ISM1: variants seen among roughly 807,000 people sequenced by gnomAD.
ISM1 encodes isthmin-1.
A neutral mutation model predicts 46.3 loss-of-function variants in ISM1; 25 were observed. That is an observed-to-expected ratio of 0.54 (90% CI 0.39 to 0.75). The LOEUF (loss-of-function observed/expected upper bound fraction) is 0.75. ISM1 is among the 30% of genes least tolerant of loss of function. The pLI is 0.00. For synonymous variants in ISM1, 255 were observed against 256.7 expected (o/e 0.99, Z 0.06); for missense variants, 536 against 625.4 (o/e 0.86, Z 1.52).
At chr20:13,279,262 T>A (rs1266132587) in intron 2 of ISM1, among the ~76,000 whole-genome samples, 1 of 152,224 alleles carries the variant, frequency 6.6e-6, no homozygotes. Flanking sequence ...CATGTTTACT[T>A]CCTGAGTGAA....
chr20:13,298,763 TGCCAGGGGGC>T (rs1311137219), intron 5 of ISM1, among the ~76,000 whole-genome samples, 169 bp from the exon 6 acceptor site: 1 of 152,118 alleles, frequency 6.6e-6, no homozygotes, highest in African/African-American at 2.4e-5. Context: ...CTTCTGATGG[TGCCAGGGGGC>T]TGCAGGGGTG....
At chr20:13,229,594 C>T (rs192913145) in intron 1 of ISM1, among the ~76,000 whole-genome samples, 296 of 152,246 alleles carry the variant, frequency 1.9e-3, no homozygotes, top group African/African-American at 6.8e-3. Flanking sequence ...GTTTCCATTG[C>T]TTTGCATATT....
Position 13,300,502 on chromosome 20 carries a change from A to C in ISM1, c.*1043A>C, listed in dbSNP as rs923719937. On this transcript the variant is annotated 3_prime_UTR_variant, in exon 6 of 6. Transcript: ENST00000262487. Reference sequence around the variant, plus strand: ...CATTATTTTTGTAAAGTATTTATTGAGTCACGGATTATTGTGCATCAAGCA... The same window carrying C: ...CATTATTTTTGTAAAGTATTTATTGCGTCACGGATTATTGTGCATCAAGCA... 1 of 152,224 alleles carries C rather than the reference A, an allele frequency of 6.6e-6. No homozygotes were observed. Among genetic ancestry groups the C allele is most frequent in the Non-Finnish European group, 1.5e-5 (1 of 68,044 alleles). The allele number at this position is 152,224 out of a possible 1,614,324, so 9.4% of individuals were successfully genotyped here.
intron 3 of ISM1, among the ~76,000 whole-genome samples, chr20:13,287,235 G>A (rs552539681): frequency 6.6e-6 from 1 of 152,308 alleles, no homozygotes; most frequent in South Asian, 2.1e-4. Context: ...CACAATCATG[G>A]TGGAAGGCAA....
At chr20:13,240,910 A>G (rs1421684431) in intron 1 of ISM1, among the ~76,000 whole-genome samples, 1 of 152,150 alleles carries the variant, frequency 6.6e-6, no homozygotes, top group Non-Finnish European at 1.5e-5. Context: ...TTTATATGGG[A>G]CATGTGGAAT....
downstream of ISM1, among the ~76,000 whole-genome samples, chr20:13,302,302 A>G (rs2040464779): frequency 6.6e-6 from 1 of 152,338 alleles, no homozygotes; most frequent in East Asian, 1.9e-4. Context: ...GACTCTGCCT[A>G]CTGAGAACAC....
intron 1 of ISM1, among the ~76,000 whole-genome samples, chr20:13,241,739 T>C (rs796413420): frequency 3.3e-5 from 5 of 152,216 alleles, no homozygotes; most frequent in African/African-American, 1.2e-4. Context: ...CAGTTGGATT[T>C]TGGAACAGTG....
At chr20:13,316,169 T>C in the ISM1 span, among the ~76,000 whole-genome samples, 1 of 151,950 alleles carries the variant, frequency 6.6e-6, no homozygotes, top group South Asian at 2.1e-4. Context: ...TGAATAACTC[T>C]ATGCCCACAA....
intron 2 of ISM1, among the ~76,000 whole-genome samples, chr20:13,277,783 G>A (rs1600542694): frequency 1.3e-5 from 2 of 152,044 alleles, no homozygotes; most frequent in East Asian, 1.9e-4. Flanking sequence ...CCGTGACAGA[G>A]GAGAAGGGTG....
At chr20:13,269,658 A>G (rs1315425503) in intron 1 of ISM1, among the ~76,000 whole-genome samples, 2 of 152,110 alleles carry the variant, frequency 1.3e-5, no homozygotes, top group African/African-American at 4.8e-5. Context: ...TCTTGTTAAG[A>G]TCTTGCCTCA....
At chr20:13,242,710 T>C (rs780678526) in intron 1 of ISM1, among the ~76,000 whole-genome samples, 7 of 152,158 alleles carry the variant, frequency 4.6e-5, no homozygotes, top group Non-Finnish European at 7.4e-5. Flanking sequence ...TCTATGCTTA[T>C]TAAGGTTGGT....
At chr20:13,229,237 G>T (rs2123131468) in intron 1 of ISM1, among the ~76,000 whole-genome samples, 1 of 151,460 alleles carries the variant, frequency 6.6e-6, no homozygotes, top group East Asian at 1.9e-4. Context: ...TTTCATTTTT[G>T]ACAGTTGTAT....
intron 1 of ISM1, among the ~76,000 whole-genome samples, chr20:13,262,586 A>T (rs2040000446): frequency 1.3e-5 from 2 of 151,988 alleles, no homozygotes; most frequent in African/African-American, 4.8e-5. Flanking sequence ...CAGGACATAA[A>T]AGAAATCGGT....
chr20:13,233,542 C>T (rs1161445440), intron 1 of ISM1, among the ~76,000 whole-genome samples: 1 of 150,290 alleles, frequency 6.7e-6, no homozygotes, highest in Non-Finnish European at 1.5e-5. Flanking sequence ...TTGCAATGAG[C>T]CAAGACTGTG....
the ISM1 span, among the ~76,000 whole-genome samples, chr20:13,319,031 A>G: frequency 1.3e-5 from 2 of 152,156 alleles, no homozygotes; most frequent in Non-Finnish European, 1.5e-5. Context: ...GGTGATAATG[A>G]TGTGTCAATG....
At chr20:13,280,085 A>T (rs2123282873) in intron 3 of ISM1, among the ~76,000 whole-genome samples, 187 bp downstream of exon 3, 1 of 152,328 alleles carries the variant, frequency 6.6e-6, no homozygotes, top group Middle Eastern at 3.4e-3. Context: ...TTCTGGAAAG[A>T]CTATAATTTT....
intron 4 of ISM1, among the ~76,000 whole-genome samples, chr20:13,289,679 G>GGAGGAGGAA: frequency 6.6e-6 from 1 of 151,720 alleles, no homozygotes; most frequent in Non-Finnish European, 1.5e-5. Flanking sequence ...AGGAGGGGGA[G>GGAGGAGGAA]GAGGAGGAAG....
chr20:13,314,104 G>A, the ISM1 span, among the ~76,000 whole-genome samples: 1 of 151,952 alleles, frequency 6.6e-6, no homozygotes, highest in Non-Finnish European at 1.5e-5. Context: ...AAAAAAGACT[G>A]AAAGAAACAA....
At chr20:13,282,845 G>T (rs1012543928) in intron 3 of ISM1, among the ~76,000 whole-genome samples, 7 of 152,198 alleles carry the variant, frequency 4.6e-5, no homozygotes, top group African/African-American at 1.4e-4. Flanking sequence ...GGGCGAAGCT[G>T]AGACTGCTAG....
Sources: gnomAD v4.1 joint callset for allele counts (sites outside exome capture counted in the v4.1 genomes callset) on GRCh38, gnomAD v4.1.1 for gene constraint, MANE v1.5 for transcripts, NCBI Gene and HGNC (gene_info 2026-07-23, HGNC 2026-07-21) for gene names.